Variants in ZNF281 observed in about 807,000 individuals in gnomAD.
ZNF281 encodes the protein zinc finger protein 281, also known as GC-box-binding zinc finger protein 1.
In ZNF281, 2 loss-of-function variants were observed where a neutral mutation model predicts 58.8. The observed-to-expected ratio is 0.03, with a 90% CI of 0.01 to 0.11. ZNF281 has a LOEUF of 0.11. Among genes scored for constraint, ZNF281 ranks in the 10% least tolerant of loss-of-function variants. ZNF281 has a pLI of 1.00. For synonymous variants in ZNF281, 465 were observed against 407.7 expected (o/e 1.14, Z -1.69); for missense variants, 975 against 1,090.7 (o/e 0.89, Z 1.49).
rs140983887 is a variant in ZNF281 at position 200,406,278 on chromosome 1, CT to C, written c.*739del. 846 of 144,850 alleles carry C rather than the reference CT, an allele frequency of 5.8e-3. 10 individuals carry two copies. Among genetic ancestry groups the C allele is most frequent in the African/African-American group, 0.019 (748 of 39,688 alleles). The allele number at this position is 144,850 out of a possible 1,614,324, so 9.0% of individuals were successfully genotyped here. On this transcript the variant is annotated 3_prime_UTR_variant, in exon 2 of 2. Coordinates refer to ENST00000367353, the MANE Select transcript of ZNF281 (RefSeq NM_001281293.2). ...TTACAGTTGAGATCAAGAGAGGGTG[CT>C]TTTTTTTTTTCCTTCTTTTATTAAA...
Position 200,407,508 on chromosome 1 carries a change from G to A in ZNF281, c.2198C>T (p.Pro733Leu). Residue 733 changes from proline to leucine, a missense_variant, in exon 2 of 2, where the codon CCA becomes CTA. Physicochemically the swap from Pro to Leu is moderately conservative, Grantham distance 98 (BLOSUM62 -3). Transcript: ENST00000367353. ...AAACAACATCCCAAAAGGAGGCTTT[G>A]GCAATGAAGATGGCAACACTGAGGT... ...SVTSVLPSSLPKPPFGMLFGS... is the reference protein window; with the variant it reads ...SVTSVLPSSLLKPPFGMLFGS... The A allele has an allele frequency of 6.2e-7, 1 of 1,614,212 alleles. No individual in the cohort carries two copies. The highest frequency in any genetic ancestry group is 8.5e-7 in the Non-Finnish European group (1 of 1,180,044).
In ZNF281 at chr1:200,409,459, A is replaced by T. The variant is rs1287176923; in HGVS notation, c.247T>A (p.Ser83Thr). Residue 83 changes from serine (S) to threonine (T), a missense_variant, in exon 2 of 2, where the codon TCC becomes ACC. Ser to Thr is a moderately conservative substitution (Grantham distance 58, BLOSUM62 1). Coordinates refer to ENST00000367353, the MANE Select transcript of ZNF281 (RefSeq NM_001281293.2). ...GGGGGCTCAGCGGCCGGGGCTGCGG[A>T]GGTAGAGGAGGATAACACGCATTGC... ...PPQCVLSSST[S>T]AAPAAEPPPP... 6.5e-7 allele frequency: 1 copy of T among 1,536,044 alleles called. No homozygotes were observed. The highest frequency in any genetic ancestry group is 8.8e-7 in the Non-Finnish European group (1 of 1,138,738).
At position 200,408,843 on chromosome 1, in the gene ZNF281, G is replaced by C; in HGVS notation, c.863C>G (p.Pro288Arg). ...RHVLIHTGER[P>R]FQCSQCSMGF... ...CATACTACACTGGCTGCACTGGAAA[G>C]GTCTTTCTCCTGTATGAATGAGGAC... The change falls in exon 2 of 2, where the codon CCT becomes CGT. Residue 288 changes from proline to arginine, a missense_variant. Physicochemically the swap from Pro to Arg is moderately radical, Grantham distance 103. Transcript: ENST00000367353. The C allele has an allele frequency of 6.2e-7, 1 of 1,614,236 alleles. No individual in the cohort carries two copies. The highest frequency in any genetic ancestry group is 8.5e-7 in the Non-Finnish European group (1 of 1,180,048).
In ZNF281 at chr1:200,408,390, A is replaced by G; in HGVS notation, c.1316T>C (p.Val439Ala). The change falls in exon 2 of 2, where the codon GTA becomes GCA. Residue 439 changes from valine to alanine, a missense_variant. Physicochemically the swap from Val to Ala is moderately conservative, Grantham distance 64. Coordinates refer to ENST00000367353, the MANE Select transcript of ZNF281 (RefSeq NM_001281293.2). ...ACTGGAAGACACGGTAGGCATTTCT[A>G]CTGAGTAACTCTGCATGTTTATATT... ...SNNINMQSYS[V>A]EMPTVSSSGG... The G allele has an allele frequency of 6.2e-7, 1 of 1,614,126 alleles. No individual in the cohort carries two copies. The highest frequency in any genetic ancestry group is 1.6e-4 in the Middle Eastern group (1 of 6,062).
rs1431467330 is a variant in ZNF281, at chr1:200,409,613, GCCGCCGCCGCCACTACCA to G, written c.75_92del (p.Ser27_Gly32del). The G allele has an allele frequency of 6.5e-7, 1 of 1,548,850 alleles. No homozygotes were observed. The highest frequency in any genetic ancestry group is 2.0e-5 in the Admixed American group (1 of 51,058). ...CCCTCCTGCCGCTGCTGCCGCCGCC[GCCGCCGCCGCCACTACCA>G]CCGCCGCCGGAGCCGCTACCACCGC... On this transcript the variant is annotated inframe_deletion, in exon 2 of 2. Coordinates refer to ENST00000367353, the MANE Select transcript of ZNF281 (RefSeq NM_001281293.2).
rs964347980 is a variant in ZNF281 at position 200,406,094 on chromosome 1, C to T, written c.*924G>A. ...TGTAGGTAATACGTAACAGCGCAGA[C>T]AGAACCGTTGTAGGCCATGTATAAT... is the stretch of plus-strand genomic sequence containing the variant. On this transcript the variant is annotated 3_prime_UTR_variant, in exon 2 of 2. Coordinates refer to ENST00000367353, the MANE Select transcript of ZNF281 (RefSeq NM_001281293.2). 3 of 152,190 alleles carry T rather than the reference C, an allele frequency of 2.0e-5. No individual in the cohort carries two copies. The highest frequency in any genetic ancestry group is 7.2e-5 in the African/African-American group (3 of 41,428). The allele number at this position is 152,190 out of a possible 1,614,324, so 9.4% of individuals were successfully genotyped here. A position where few individuals can be genotyped will look rare whatever the true frequency, so the allele number is the denominator to read the frequency against.
rs532569883 is a variant in ZNF281, at chr1:200,409,479, C to T, written c.227G>A (p.Cys76Tyr). ...TGCGGAGGTAGAGGAGGATAACACG[C>T]ATTGCGGGGGAGGGGCGGCCGACCC... ...PAGSAAPPPQ[C>Y]VLSSSTSAAP... The change falls in exon 2 of 2, where the codon TGC becomes TAC. Residue 76 changes from cysteine to tyrosine, a missense_variant. This residue lies in a region of ZNF281 where 370 missense variants were observed against 360.9 expected (regional missense o/e 1.03). Transcript: ENST00000367353. 138 of 1,547,034 alleles carry T rather than the reference C, an allele frequency of 8.9e-5. 3 individuals are homozygous for T. The South Asian group carries it at 1.6e-3, about 17-fold the overall frequency.
chr1:200,408,041 T>C lies in ZNF281; in HGVS notation c.1665A>G (p.Ile555Met), dbSNP rs1435332249. 1 of 1,614,242 alleles carries C rather than the reference T, an allele frequency of 6.2e-7. No homozygotes were observed. Among genetic ancestry groups the C allele is most frequent in the Non-Finnish European group, 8.5e-7 (1 of 1,180,034 alleles). ...GTTGGGAGACCATGTGTCCTACGTTTATAGAAAAGGCACTGTTGCTGCTGG... is the reference window on the plus strand; with the variant it reads ...GTTGGGAGACCATGTGTCCTACGTTCATAGAAAAGGCACTGTTGCTGCTGG... ...PTASSNSAFS[I>M]NVGHMVSQQS... Residue 555 changes from isoleucine (I) to methionine (M), a missense_variant, in exon 2 of 2, where the codon ATA becomes ATG. By Grantham distance (10) the Ile-to-Met change is conservative. Transcript: ENST00000367353.
chr1:200,407,117 A>T lies in ZNF281; in HGVS notation c.2589T>A (p.Thr863=). ...SNGEVDHRVR[T]SVSDFSGYTN... ...TATACCCTGAGAAATCTGACACTGA[A>T]GTCCTTACTCTATGGTCCACTTCTC... Residue 863 remains threonine, a synonymous_variant, in exon 2 of 2, where the codon ACT becomes ACA. Transcript: ENST00000367353. 6.2e-7 allele frequency: 1 copy of T among 1,614,184 alleles called. No individual in the cohort carries two copies. Among genetic ancestry groups the T allele is most frequent in the Non-Finnish European group, 8.5e-7 (1 of 1,180,032 alleles).
Position 200,408,978 on chromosome 1 carries a change from G to A in ZNF281, c.728C>T (p.Pro243Leu), listed in dbSNP as rs779663260. 18 of 1,614,260 alleles carry A rather than the reference G, an allele frequency of 1.1e-5. No individual in the cohort carries two copies. The highest frequency in any genetic ancestry group is 1.4e-5 in the Non-Finnish European group (16 of 1,180,054). ...AKRKPSASSKPSLVGDGEGAI... is the reference protein window; with the variant it reads ...AKRKPSASSKLSLVGDGEGAI... ...ACCTTCTCCATCTCCAACCAAAGAAGGTTTGGAAGATGCACTTGGCTTCCT... is the reference window on the plus strand; with the variant it reads ...ACCTTCTCCATCTCCAACCAAAGAAAGTTTGGAAGATGCACTTGGCTTCCT... The change falls in exon 2 of 2, where the codon CCT becomes CTT. Residue 243 changes from proline (P) to leucine (L), a missense_variant. Transcript: ENST00000367353.
rs1239934791 is a variant in ZNF281 at position 200,408,632 on chromosome 1, A to G, written c.1074T>C (p.Asp358=). ...DTCQQYFSRT[D]RLLKHRRTCG... ...ATGTGCGCCTGTGCTTCAACAATCT[A>G]TCAGTCCTTGAAAAATACTGTTGGC... Residue 358 remains aspartate, a synonymous_variant, in exon 2 of 2, where the codon GAT becomes GAC. Coordinates refer to ENST00000367353, the MANE Select transcript of ZNF281 (RefSeq NM_001281293.2). The G allele has an allele frequency of 1.2e-5, 19 of 1,614,120 alleles. No individual in the cohort carries two copies. The highest frequency in any genetic ancestry group is 1.7e-5 in the Admixed American group (1 of 60,010).
Position 200,407,252 on chromosome 1 carries a change from T to G in ZNF281, c.2454A>C (p.Lys818Asn), listed in dbSNP as rs376171054. 2 of 1,614,236 alleles carry G rather than the reference T, an allele frequency of 1.2e-6. No individual in the cohort carries two copies. Among genetic ancestry groups the G allele is most frequent in the Admixed American group, 1.7e-5 (1 of 60,026 alleles). The change falls in exon 2 of 2, where the codon AAA (lysine) becomes AAC (asparagine). Residue 818 changes from lysine (K) to asparagine (N), a missense_variant. By Grantham distance (94) the Lys-to-Asn change is moderately conservative. This residue lies in a region of ZNF281 where 579 missense variants were observed against 608.9 expected (regional missense o/e 0.95). Coordinates refer to ENST00000367353, the MANE Select transcript of ZNF281 (RefSeq NM_001281293.2). Reference sequence around the variant, plus strand: ...GATACGTTGTTCTAGGCTCTATGTCTTTCTGAGGATCTATCTGGCTAGCTA... The same window carrying G: ...GATACGTTGTTCTAGGCTCTATGTCGTTCTGAGGATCTATCTGGCTAGCTA... ...QELASQIDPQKDIEPRTTYQI... is the reference protein window; with the variant it reads ...QELASQIDPQNDIEPRTTYQI...
chr1:200,409,462 T>C lies in ZNF281; in HGVS notation c.244A>G (p.Thr82Ala). The C allele has an allele frequency of 2.0e-6, 3 of 1,533,132 alleles. No individual in the cohort carries two copies. Among genetic ancestry groups the C allele is most frequent in the Non-Finnish European group, 2.6e-6 (3 of 1,138,760 alleles). 95.0% of individuals were successfully genotyped at this position (1,533,132 alleles called of 1,614,324 possible). Reference sequence around the variant, plus strand: ...GGCTCAGCGGCCGGGGCTGCGGAGGTAGAGGAGGATAACACGCATTGCGGG... The same window carrying C: ...GGCTCAGCGGCCGGGGCTGCGGAGGCAGAGGAGGATAACACGCATTGCGGG... The part of the protein sequence containing the change: ...PPPQCVLSSS[T>A]SAAPAAEPPP... Residue 82 changes from threonine to alanine, a missense_variant, in exon 2 of 2, where the codon ACC becomes GCC. Around this residue, in one of 3 missense-constraint regions of ZNF281, gnomAD observed 370 missense variants for 360.9 expected, o/e 1.03. Transcript: ENST00000367353.
Position 200,409,100 on chromosome 1 carries a change from C to T in ZNF281, c.606G>A (p.Arg202=). The T allele has an allele frequency of 6.2e-7, 1 of 1,614,184 alleles. No individual in the cohort carries two copies. The highest frequency in any genetic ancestry group is 8.5e-7 in the Non-Finnish European group (1 of 1,180,030). The part of the protein sequence containing the change: ...HRDVLLSSSS[R]TDDHHGTEEP... ...CCTCAGTGCCATGGTGGTCATCAGT[C>T]CTGCTACTGCTGCTGAGTAATACGT... Residue 202 remains arginine, a synonymous_variant, in exon 2 of 2, where the codon AGG becomes AGA. Transcript: ENST00000367353.
rs1398939434 is a variant in ZNF281 at position 200,407,215 on chromosome 1, A to G, written c.2491T>C (p.Phe831Leu). Reference protein sequence around the residue: ...EPRTTYQIENFAQAFGSQFKS... With the variant: ...EPRTTYQIENLAQAFGSQFKS... ...AACTGAGAACCAAACGCTTGTGCAA[A>G]GTTCTCAATCTGATACGTTGTTCTA... The change falls in exon 2 of 2, where the codon TTT becomes CTT. Residue 831 changes from phenylalanine to leucine, a missense_variant. Physicochemically the swap from Phe to Leu is conservative, Grantham distance 22. Transcript: ENST00000367353. 1 of 1,614,080 alleles carries G rather than the reference A, an allele frequency of 6.2e-7. No homozygotes were observed. Among genetic ancestry groups the G allele is most frequent in the Admixed American group, 1.7e-5 (1 of 60,008 alleles).
Position 200,408,313 on chromosome 1 carries a change from A to G in ZNF281, c.1393T>C (p.Leu465=), listed in dbSNP as rs753130652. ...IDELQKRVPK[L]IFKKGSRKNT... Reference sequence around the variant, plus strand: ...TTTCTGCTTCCTTTCTTAAAGATCAATTTTGGCACCCTCTTCTGCAGTTCA... The same window carrying G: ...TTTCTGCTTCCTTTCTTAAAGATCAGTTTTGGCACCCTCTTCTGCAGTTCA... Residue 465 remains leucine (L), a synonymous_variant, in exon 2 of 2, where the codon TTG becomes CTG. Coordinates refer to ENST00000367353, the MANE Select transcript of ZNF281 (RefSeq NM_001281293.2). 4.3e-6 allele frequency: 7 copies of G among 1,612,790 alleles called. No homozygotes were observed. The highest frequency in any genetic ancestry group is 5.9e-6 in the Non-Finnish European group (7 of 1,180,004).
rs1654510946 is a variant in ZNF281 at position 200,408,236 on chromosome 1, T to A, written c.1470A>T (p.Val490=). ...GTTTTCCAGACAAGGATTTCTGTCC[T>A]ACTATGTCTGGTAATGGTGACACAA... ...LNFVSPLPDI[V]GQKSLSGKPS... The change falls in exon 2 of 2, where the codon GTA becomes GTT. Residue 490 remains valine (V), a synonymous_variant. Transcript: ENST00000367353. 1 of 1,612,276 alleles carries A rather than the reference T, an allele frequency of 6.2e-7. No individual in the cohort carries two copies. Among genetic ancestry groups the A allele is most frequent in the Non-Finnish European group, 8.5e-7 (1 of 1,180,034 alleles).
chr1:200,409,772 C>A (rs1413204642), intron 1 of ZNF281, 49 bp from the exon 2 acceptor site: 4 of 1,523,170 alleles, frequency 2.6e-6, no homozygotes, highest in Admixed American at 2.0e-5. Flanking sequence ...GAGGTGGAAC[C>A]GGGCCCCGGG....
rs1303026353 is a variant in ZNF281, at chr1:200,407,883, T to C, written c.1823A>G (p.Gln608Arg). Reference protein sequence around the residue: ...DKSGIPDEVLQSILDQYSNKS... With the variant: ...DKSGIPDEVLRSILDQYSNKS... ...GTTGGAGTATTGATCCAAAATACTTTGTAAAACCTCATCAGGAATTCCAGA... is the reference window on the plus strand; with the variant it reads ...GTTGGAGTATTGATCCAAAATACTTCGTAAAACCTCATCAGGAATTCCAGA... Residue 608 changes from glutamine (Q) to arginine (R), a missense_variant, in exon 2 of 2, where the codon CAA becomes CGA. Physicochemically the swap from Gln to Arg is conservative, Grantham distance 43. Around this residue, in one of 3 missense-constraint regions of ZNF281, gnomAD observed 579 missense variants for 608.9 expected, o/e 0.95. Transcript: ENST00000367353. The C allele has an allele frequency of 1.2e-5, 19 of 1,614,044 alleles. No individual in the cohort carries two copies. Among genetic ancestry groups the C allele is most frequent in the Non-Finnish European group, 1.5e-5 (18 of 1,180,042 alleles).
Sources: allele counts gnomAD v4.1 joint callset, GRCh38; gene constraint gnomAD v4.1.1; regional missense constraint gnomAD v4.1.1; transcripts MANE v1.5; gene names NCBI Gene and HGNC (gene_info 2026-07-23, HGNC 2026-07-21).